CCDC62: variants seen among roughly 807,000 people sequenced by gnomAD.
CCDC62 encodes the protein coiled-coil domain containing 62, also known as coiled-coil domain-containing protein 62.
CCDC62 carries 72 observed loss-of-function variants against 80.8 expected under a neutral mutation model. That is an observed-to-expected ratio of 0.89 (90% CI 0.74 to 1.08). CCDC62 has a LOEUF of 1.08. Ranked by LOEUF, CCDC62 falls within the 50% of genes least tolerant of loss-of-function variation. CCDC62 has a pLI of 0.00. For synonymous variants in CCDC62, 286 were observed against 296.5 expected, an observed-to-expected ratio of 0.96 and a Z score of 0.36; for missense variants, 704 against 809.4, an observed-to-expected ratio of 0.87 and a Z score of 1.58.
At chr12:122,814,279 CAAA>C (rs1242349597) in intron 11 of CCDC62, among the ~76,000 whole-genome samples, 9 of 119,548 alleles carry the variant, frequency 7.5e-5, no homozygotes, top group African/African-American at 1.4e-4. Flanking sequence ...AGCTCCACCT[CAAA>C]AAAAAAAAAA....
chr12:122,782,425 C>A (rs1054894791), intron 3 of CCDC62, among the ~76,000 whole-genome samples: 1 of 152,096 alleles, frequency 6.6e-6, no homozygotes, highest in Admixed American at 6.6e-5. Flanking sequence ...AGGGTATAAT[C>A]AAGTTTTGGT....
Position 122,777,554 on chromosome 12 carries a change from A to G in CCDC62, c.100A>G (p.Ile34Val). 6.2e-7 allele frequency: 1 copy of G among 1,614,202 alleles called. No individual in the cohort carries two copies. The highest frequency in any genetic ancestry group is 2.2e-5 in the East Asian group (1 of 44,888). Residue 34 changes from isoleucine to valine, a missense_variant, in exon 2 of 13, where the codon ATT (isoleucine) becomes GTT (valine). Coordinates refer to ENST00000253079, the MANE Select transcript of CCDC62 (RefSeq NM_201435.5). ...ACAACGGAAGGAGCTGCAGTTGCTC[A>G]TTGGAGAATTAAAAGATCGAGATAA... ...EKQRKELQLL[I>V]GELKDRDKEL...
At chr12:122,804,819 GT>G (rs369048762) in intron 9 of CCDC62, among the ~76,000 whole-genome samples, 2 of 151,340 alleles carry the variant, frequency 1.3e-5, no homozygotes, top group African/African-American at 4.9e-5. Context: ...CTGGGCTCAG[GT>G]GATCCCACCT....
Position 122,823,337 on chromosome 12 carries a change from T to G in CCDC62, c.2002-29T>G, listed in dbSNP as rs202057490. On this transcript the variant is annotated intron_variant, in intron 11 of 12. Transcript: ENST00000253079. ...TAAGAATTTTTTAGTTTCTCTATCC[T>G]GAATACTAATCTGGGAGTTGTTTTC... The G allele has an allele frequency of 7.2e-3, 11,246 of 1,569,708 alleles. 49 individuals are homozygous for G. Among genetic ancestry groups the G allele is most frequent in the Non-Finnish European group, 9.0e-3 (10,225 of 1,140,320 alleles).
In CCDC62 at chr12:122,801,553, C is replaced by T. The variant is rs761090770; in HGVS notation, c.1407C>T (p.Gly469=). Residue 469 remains glycine (G), a synonymous_variant, in exon 9 of 13, where the codon GGC becomes GGT. Coordinates refer to ENST00000253079, the MANE Select transcript of CCDC62 (RefSeq NM_201435.5). ...GGCATGATGTCAGTGTTTACCTGGG[C>T]CTGACCAACTGTCCAAGTTCAAAAC... ...KQWHDVSVYL[G]LTNCPSSKHP... 5 of 1,614,092 alleles carry T rather than the reference C, an allele frequency of 3.1e-6. No homozygotes were observed. The highest frequency in any genetic ancestry group is 2.2e-5 in the East Asian group (1 of 44,890).
chr12:122,826,294 G>T, intron 12 of CCDC62, 128 bp from the exon 13 acceptor site: 65 of 259,610 alleles, frequency 2.5e-4, no homozygotes, highest in Admixed American at 3.8e-4. Context: ...ATAGTATTTT[G>T]CATGTCCTGA....
intron 10 of CCDC62, among the ~76,000 whole-genome samples, chr12:122,807,603 C>A: frequency 6.6e-6 from 1 of 150,726 alleles, no homozygotes; most frequent in South Asian, 2.1e-4. Flanking sequence ...AAATTGAAAT[C>A]TTCATCCCAC....
At chr12:122,812,506 T>C (rs10847772) in intron 10 of CCDC62, among the ~76,000 whole-genome samples, 127,168 of 147,056 alleles carry the variant, frequency 0.86, 55,648 homozygotes, top group East Asian at 0.99. Context: ...TTTGGGAGGC[T>C]GAGGCAGGCA....
intron 9 of CCDC62, among the ~76,000 whole-genome samples, chr12:122,804,653 T>G (rs1442632494): frequency 1.3e-5 from 2 of 151,870 alleles, no homozygotes; most frequent in East Asian, 3.9e-4. Context: ...ATAAAGCCAT[T>G]AACAAAAATC....
intron 8 of CCDC62, among the ~76,000 whole-genome samples, chr12:122,799,448 C>T (rs1411818362): frequency 6.6e-6 from 1 of 152,118 alleles, no homozygotes; most frequent in Admixed American, 6.6e-5. Flanking sequence ...AGTAGGAGCC[C>T]CACTCCACCG....
chr12:122,780,196 A>C (rs762867502), intron 2 of CCDC62, among the ~76,000 whole-genome samples: 58 of 151,676 alleles, frequency 3.8e-4, no homozygotes, highest in Non-Finnish European at 7.2e-4. Flanking sequence ...CCGTAATCCC[A>C]GCTACTTGGG....
In CCDC62 at chr12:122,777,838, A is replaced by G. The variant is rs367633340; in HGVS notation, c.229+155A>G. On this transcript the variant is annotated intron_variant, in intron 2 of 12. Coordinates refer to ENST00000253079, the MANE Select transcript of CCDC62 (RefSeq NM_201435.5). ...CAGGAGGACTTTATGAACAGCCACA[A>G]TGGGACAGACACACACAAATAAAGT... is the stretch of plus-strand genomic sequence containing the variant. 5.2e-4 allele frequency among the ~76,000 whole-genome samples: 79 copies of G among 152,322 alleles called. 1 individual carries two copies. The South Asian group carries it at 0.016, about 31-fold the overall frequency.
At chr12:122,795,509 A>T (rs534591185) in intron 6 of CCDC62, among the ~76,000 whole-genome samples, 2 of 150,568 alleles carry the variant, frequency 1.3e-5, no homozygotes, top group Admixed American at 6.6e-5. Context: ...CTGCAAGCTC[A>T]GCCTCCTGGG....
chr12:122,821,322 A>G (rs1032639913), intron 11 of CCDC62, among the ~76,000 whole-genome samples: 1 of 152,198 alleles, frequency 6.6e-6, no homozygotes, highest in Non-Finnish European at 1.5e-5. Flanking sequence ...GCAGACAGAG[A>G]AGTCCTTCCA....
At chr12:122,809,280 A>G (rs1480280819) in intron 10 of CCDC62, among the ~76,000 whole-genome samples, 2 of 152,050 alleles carry the variant, frequency 1.3e-5, no homozygotes, top group African/African-American at 2.4e-5. Context: ...ACCTGAGGTC[A>G]GGAGTTGAAG....
intron 3 of CCDC62, among the ~76,000 whole-genome samples, chr12:122,785,120 C>A (rs1437416519): frequency 6.6e-6 from 1 of 151,698 alleles, no homozygotes; most frequent in Non-Finnish European, 1.5e-5. Context: ...CCAGCCTGGG[C>A]GACAGAGTGA....
At chr12:122,807,312 A>G (rs2031660548) in intron 10 of CCDC62, among the ~76,000 whole-genome samples, 1 of 152,064 alleles carries the variant, frequency 6.6e-6, no homozygotes, top group African/African-American at 2.4e-5. Context: ...TGGGCAGATA[A>G]CCTGAGGTCA....
intron 6 of CCDC62, among the ~76,000 whole-genome samples, chr12:122,794,970 T>A (rs2030844764): frequency 6.6e-6 from 1 of 152,030 alleles, no homozygotes; most frequent in South Asian, 2.1e-4. Context: ...CGTGCTTGGC[T>A]TAAGCCCAAA....
intron 12 of CCDC62, 119 bp downstream of exon 12, chr12:122,823,578 T>G: frequency 1.7e-6 from 1 of 587,734 alleles, no homozygotes. Flanking sequence ...ACTTTCTCTT[T>G]TGCTCGACCA....
Sources: allele counts gnomAD v4.1 joint callset (sites outside exome capture counted in the v4.1 genomes callset), GRCh38; gene constraint gnomAD v4.1.1; transcripts MANE v1.5; gene names NCBI Gene and HGNC (gene_info 2026-07-23, HGNC 2026-07-21).